The following CNKSR2 variants were observed in gnomAD, a reference collection of about 807,000 sequenced individuals.
CNKSR2 encodes the protein CNK homolog protein 2.
CNKSR2 carries 14 observed loss-of-function variants against 84.4 expected under a neutral mutation model. The ratio of observed to expected loss-of-function variants is 0.17; its 90% CI spans 0.11 to 0.26. The LOEUF (loss-of-function observed/expected upper bound fraction) is 0.26. Among genes scored for constraint, CNKSR2 ranks in the 10% least tolerant of loss-of-function variants. The pLI is 1.00. For synonymous variants in CNKSR2, 275 were observed against 277.9 expected, an observed-to-expected ratio of 0.99 and a Z score of 0.10; for missense variants, 485 against 771.2, an observed-to-expected ratio of 0.63 and a Z score of 4.40.
chrX:21,600,968 A>G (rs1298331115), intron 17 of CNKSR2, among the ~76,000 whole-genome samples: 1 of 112,403 alleles, frequency 8.9e-6, no homozygotes, highest in Non-Finnish European at 1.9e-5. Context: ...AACAGCAGGA[A>G]TATTTGGAGT....
chrX:21,646,382 A>G (rs1235767858), intron 20 of CNKSR2, among the ~76,000 whole-genome samples: 2 of 111,484 alleles, frequency 1.8e-5, no homozygotes, highest in African/African-American at 6.5e-5. Context: ...TTCAGTTTTT[A>G]TTGTTTAATA....
chrX:21,413,720 C>T lies in CNKSR2; in HGVS notation c.65-12777C>T, dbSNP rs1434250078. On this transcript the variant is annotated intron_variant, in intron 1 of 21. Transcript: ENST00000379510. ...AACATTTGATATTTGTCTTTCTGTG[C>T]CTAGCTTATTTCACTTGACATAATG... Among the ~76,000 whole-genome samples, 3 of 111,007 alleles carry T rather than the reference C, an allele frequency of 2.7e-5. No homozygotes were observed. In the East Asian group the frequency reaches 8.5e-4, roughly 31 times the overall value.
In CNKSR2 at chrX:21,473,882, G is replaced by T. The variant is rs181241617; in HGVS notation, c.561+3075G>T. On this transcript the variant is annotated intron_variant, in intron 5 of 21. Transcript: ENST00000379510. ...CTGCCTCAGCCTCCCGAGTAGCTGG[G>T]ACTACAGGTGCCCACCACCACGCCC... 7.4e-3 allele frequency among the ~76,000 whole-genome samples: 788 copies of T among 106,035 alleles called. 3 individuals are homozygous for T. Among genetic ancestry groups the T allele is most frequent in the Non-Finnish European group, 0.012 (629 of 51,799 alleles). The allele number at this position is 106,035 out of a possible 115,157, so 92.1% of individuals were successfully genotyped here. A position where few individuals can be genotyped will look rare whatever the true frequency, so the allele number is the denominator to read the frequency against.
chrX:21,611,021 G>A (rs1450751730), intron 20 of CNKSR2, among the ~76,000 whole-genome samples: 1 of 112,075 alleles, frequency 8.9e-6, no homozygotes, highest in Non-Finnish European at 1.9e-5. Flanking sequence ...TAAAAGGTAC[G>A]TTGTTAGTAC....
rs1555967968 is a variant in CNKSR2 at position 21,654,287 on chromosome X, A to AC, written c.*1766_*1767insC. Reference sequence around the variant, plus strand: ...TTTGTATATGTAAAAAAAAAAAAAAAAAAAAAACAAAAAACCTCTTGTCCT... The same window carrying AC: ...TTTGTATATGTAAAAAAAAAAAAAAACAAAAAAACAAAAAACCTCTTGTCCT... On this transcript the variant is annotated 3_prime_UTR_variant, in exon 22 of 22. Transcript: ENST00000379510. The AC allele has an allele frequency of 2.5e-4, 27 of 106,443 alleles. No homozygotes were observed. The East Asian group carries it at 3.5e-3, about 14-fold the overall frequency. 8.8% of individuals were successfully genotyped at this position (106,443 alleles called of 1,213,427 possible). A position where few individuals can be genotyped will look rare whatever the true frequency, so the allele number is the denominator to read the frequency against.
At chrX:21,449,018 G>A in intron 4 of CNKSR2, among the ~76,000 whole-genome samples, 1 of 111,720 alleles carries the variant, frequency 9.0e-6, no homozygotes, top group East Asian at 2.8e-4. Context: ...GTTAAAACCA[G>A]ATTGGGCCAG....
intron 13 of CNKSR2, among the ~76,000 whole-genome samples, chrX:21,584,469 G>A (rs139177588): frequency 6.5e-4 from 73 of 112,263 alleles, no homozygotes; most frequent in African/African-American, 2.1e-3. Context: ...GGAAGTCCAG[G>A]TGATAAACAA....
At chrX:21,481,058 T>C (rs926873021) in intron 5 of CNKSR2, among the ~76,000 whole-genome samples, 1 of 112,106 alleles carries the variant, frequency 8.9e-6, no homozygotes, top group South Asian at 3.7e-4. Flanking sequence ...ACAATAGAGA[T>C]AATAGCAGTA....
chrX:21,626,428 C>T (rs2092624211), intron 20 of CNKSR2, among the ~76,000 whole-genome samples: 1 of 111,121 alleles, frequency 9.0e-6, no homozygotes, highest in South Asian at 3.9e-4. Flanking sequence ...TCACAAAGAA[C>T]ATGATAGAGA....
At chrX:21,626,670 G>C (rs1396522610) in intron 20 of CNKSR2, among the ~76,000 whole-genome samples, 1 of 112,241 alleles carries the variant, frequency 8.9e-6, no homozygotes. Context: ...ATTGGATATT[G>C]GGCTAACCAG....
intron 9 of CNKSR2, among the ~76,000 whole-genome samples, chrX:21,526,538 A>G (rs2091836461): frequency 9.0e-6 from 1 of 111,221 alleles, no homozygotes; most frequent in African/African-American, 3.3e-5. Context: ...ATTTAATTTA[A>G]ATAAGTTTCT....
At chrX:21,641,648 C>T in intron 20 of CNKSR2, 3 of 1,154,047 alleles carry the variant, frequency 2.6e-6, no homozygotes, top group South Asian at 4.0e-5. Context: ...GAATTTAGAT[C>T]GGAGAGAGTC....
chrX:21,613,133 A>C (rs1455105690), intron 20 of CNKSR2, among the ~76,000 whole-genome samples: 2 of 112,539 alleles, frequency 1.8e-5, no homozygotes, highest in African/African-American at 6.5e-5. Context: ...AGCTAAATTA[A>C]CTTACAAATT....
chrX:21,436,429 A>G (rs1481092867), intron 3 of CNKSR2, among the ~76,000 whole-genome samples: 3 of 111,807 alleles, frequency 2.7e-5, no homozygotes, highest in African/African-American at 9.7e-5. Context: ...ATAGGGTCTT[A>G]AACTTTTGCA....
At chrX:21,564,812 C>T (rs1253088075) in intron 13 of CNKSR2, among the ~76,000 whole-genome samples, 4 of 110,420 alleles carry the variant, frequency 3.6e-5, no homozygotes, top group African/African-American at 1.3e-4. Flanking sequence ...TCTTTACCCT[C>T]CCTTCTCCCC....
intron 9 of CNKSR2, among the ~76,000 whole-genome samples, chrX:21,519,304 A>C (rs1601893569): frequency 9.0e-6 from 1 of 111,336 alleles, no homozygotes; most frequent in Middle Eastern, 4.6e-3. Flanking sequence ...ACAAAATCTC[A>C]AGGTACCAGG....
rs1233232531 is a variant in CNKSR2 at position 21,490,482 on chromosome X, T to C, written c.585T>C (p.Cys195=). The C allele has an allele frequency of 1.7e-6, 2 of 1,205,975 alleles. No homozygotes were observed. Among genetic ancestry groups the C allele is most frequent in the Non-Finnish European group, 2.2e-6 (2 of 892,594 alleles). ...AGTGTAAAACTCTTTCTGGAGTCTG[T>C]GACCACATCATATCCCTGTCGTCAG... The part of the protein sequence containing the change: ...LHVCKTLSGV[C]DHIISLSSDP... The change falls in exon 6 of 22, where the codon TGT becomes TGC. Residue 195 remains cysteine (C), a synonymous_variant. Transcript: ENST00000379510.
At chrX:21,500,270 A>T (rs2091545692) in intron 7 of CNKSR2, among the ~76,000 whole-genome samples, 1 of 111,175 alleles carries the variant, frequency 9.0e-6, no homozygotes, top group Non-Finnish European at 1.9e-5. Context: ...TTTATTGTGA[A>T]TTTTAAAAAT....
chrX:21,586,311 T>C (rs1355460318), intron 13 of CNKSR2, among the ~76,000 whole-genome samples: 1 of 111,768 alleles, frequency 8.9e-6, no homozygotes, highest in African/African-American at 3.3e-5. Context: ...TAAATAAAGA[T>C]ACAGCTACTT....
Sources: allele counts gnomAD v4.1 joint callset (sites outside exome capture counted in the v4.1 genomes callset), GRCh38; gene constraint gnomAD v4.1.1; transcripts MANE v1.5; gene names NCBI Gene and HGNC (gene_info 2026-07-23, HGNC 2026-07-21).